The following KAZN variants were observed in gnomAD, a reference collection of about 807,000 sequenced individuals.
The protein encoded by KAZN is kazrin.
KAZN carries 40 observed loss-of-function variants against 87.4 expected under a neutral mutation model. That is an observed-to-expected ratio of 0.46 (90% CI 0.36 to 0.60). The LOEUF is 0.60. Ranked by LOEUF, KAZN falls within the 20% of genes least tolerant of loss-of-function variation. The probability of loss-of-function intolerance (pLI) is 0.00; values close to 1 mark genes in which losing one functional copy is unlikely to be tolerated. For missense variants in KAZN, 898 were observed against 1,073.9 expected, an observed-to-expected ratio of 0.84 and a Z score of 2.29; for synonymous variants, 466 against 458.3, an observed-to-expected ratio of 1.02 and a Z score of -0.22.
intron 1 of KAZN, among the ~76,000 whole-genome samples, chr1:14,819,358 C>G (rs1646668337): frequency 6.6e-6 from 1 of 152,112 alleles, no homozygotes; most frequent in South Asian, 2.1e-4. Flanking sequence ...CCAGTTGTTC[C>G]ATCAAACACG....
intron 2 of KAZN, among the ~76,000 whole-genome samples, chr1:14,465,888 G>GT (rs1196565145): frequency 6.6e-6 from 1 of 152,072 alleles, no homozygotes; most frequent in Non-Finnish European, 1.5e-5. Flanking sequence ...CACAACAGTG[G>GT]TCCCGTATGA....
At chr1:15,038,004 C>A (rs186306351) in intron 3 of KAZN, among the ~76,000 whole-genome samples, 7,521 of 150,658 alleles carry the variant, frequency 0.05, 250 homozygotes, top group Middle Eastern at 0.11. Context: ...GTAATCCCAG[C>A]ACTCTGAGAA....
At chr1:14,141,495 A>T (rs35353707) in intron 1 of KAZN, among the ~76,000 whole-genome samples, 1 of 68,084 alleles carries the variant, frequency 1.5e-5, no homozygotes, top group Non-Finnish European at 3.0e-5. Flanking sequence ...TTACAGTAAT[A>T]AAAAAAAAAT....
intron 1 of KAZN, among the ~76,000 whole-genome samples, chr1:14,748,301 A>G (rs2100473687): frequency 6.6e-6 from 1 of 152,344 alleles, no homozygotes; most frequent in African/African-American, 2.4e-5. Flanking sequence ...GGCTGTCTTT[A>G]GCTCACAGGA....
At chr1:14,013,758 T>C (rs1017171996) in intron 1 of KAZN, among the ~76,000 whole-genome samples, 4 of 152,206 alleles carry the variant, frequency 2.6e-5, no homozygotes, top group Admixed American at 2.6e-4. Context: ...TCAGCAAGCT[T>C]GTGTCCGGGG....
intron 1 of KAZN, among the ~76,000 whole-genome samples, chr1:14,065,649 C>T (rs1642979197): frequency 6.6e-6 from 1 of 151,826 alleles, no homozygotes; most frequent in Non-Finnish European, 1.5e-5. Flanking sequence ...ATTACTCCAG[C>T]AGGTTCCAAT....
At chr1:14,708,661 G>A (rs1642335113) in intron 1 of KAZN, among the ~76,000 whole-genome samples, 1 of 152,168 alleles carries the variant, frequency 6.6e-6, no homozygotes, top group Admixed American at 6.5e-5. Context: ...TACACATGGT[G>A]GCATGAACAG....
rs1641841390 is a variant in KAZN, at chr1:15,116,306, G to A, written c.*1671G>A. 6.6e-6 allele frequency: 1 copy of A among 152,198 alleles called. No individual in the cohort carries two copies. Among genetic ancestry groups the A allele is most frequent in the African/African-American group, 2.4e-5 (1 of 41,442 alleles). The allele number at this position is 152,198 out of a possible 1,614,324, so 9.4% of individuals were successfully genotyped here. Reference sequence around the variant, plus strand: ...ACCTGGCAAATTGTTTCCTCTCATGGGGGAAGCCGAGCTCTGATGAACTTG... The same window carrying A: ...ACCTGGCAAATTGTTTCCTCTCATGAGGGAAGCCGAGCTCTGATGAACTTG... On this transcript the variant is annotated 3_prime_UTR_variant, in exon 15 of 15. Transcript: ENST00000376030.
At chr1:14,880,249 C>T (rs927831063) in intron 1 of KAZN, among the ~76,000 whole-genome samples, 12 of 152,162 alleles carry the variant, frequency 7.9e-5, no homozygotes, top group African/African-American at 2.4e-4. Context: ...TTATCCCACA[C>T]GGTGCCTGCA....
intron 1 of KAZN, among the ~76,000 whole-genome samples, chr1:14,752,111 C>T (rs534222267): frequency 6.6e-6 from 1 of 152,234 alleles, no homozygotes; most frequent in Non-Finnish European, 1.5e-5. Context: ...GGTGAGGTGT[C>T]AGGCTCGTTT....
At chr1:14,026,170 A>G (rs186325081) in intron 1 of KAZN, among the ~76,000 whole-genome samples, 2 of 152,306 alleles carry the variant, frequency 1.3e-5, no homozygotes, top group Admixed American at 1.3e-4. Context: ...AGAATAATAT[A>G]TATAAATTCC....
rs553378114 is a variant in KAZN at position 14,387,578 on chromosome 1, G to T, written c.249+206986G>T. The stretch of plus-strand genomic sequence containing the variant: ...TCTGTTGGAGTACCCGGCCATGTGA[G>T]ATGTCAGTCTGCCCCTGCTTGGGGG... On this transcript the variant is annotated intron_variant, in intron 2 of 16. Transcript: ENST00000636203. Among the ~76,000 whole-genome samples, 21 of 151,688 alleles carry T rather than the reference G, an allele frequency of 1.4e-4. 1 individual carries two copies. In the East Asian group the frequency reaches 3.7e-3, roughly 27 times the overall value.
At chr1:14,106,330 G>A (rs1437373331) in intron 1 of KAZN, among the ~76,000 whole-genome samples, 13 of 152,210 alleles carry the variant, frequency 8.5e-5, no homozygotes, top group Non-Finnish European at 1.6e-4. Context: ...TCTCACAGCT[G>A]TGGTGGGAGG....
At chr1:14,098,466 C>T (rs958535779) in intron 1 of KAZN, among the ~76,000 whole-genome samples, 1 of 152,142 alleles carries the variant, frequency 6.6e-6, no homozygotes, top group South Asian at 2.1e-4. Context: ...CAACAGAAGG[C>T]AAACAGCAAG....
chr1:14,840,998 G>A (rs529690225), intron 1 of KAZN, among the ~76,000 whole-genome samples: 2 of 152,318 alleles, frequency 1.3e-5, no homozygotes, highest in East Asian at 1.9e-4. Flanking sequence ...TTCTGATAGT[G>A]TAAGCATGCA....
chr1:14,873,811 T>C (rs533519194), intron 1 of KAZN, among the ~76,000 whole-genome samples: 1 of 152,214 alleles, frequency 6.6e-6, no homozygotes, highest in African/African-American at 2.4e-5. Flanking sequence ...GAGAGAGCAG[T>C]GCAAAGTGGG....
chr1:14,032,780 G>A (rs1410563113), intron 1 of KAZN, among the ~76,000 whole-genome samples: 1 of 152,150 alleles, frequency 6.6e-6, no homozygotes, highest in African/African-American at 2.4e-5. Flanking sequence ...AAATGATAAT[G>A]AAAATCACTA....
chr1:14,146,881 T>A (rs1645365424), intron 1 of KAZN, among the ~76,000 whole-genome samples: 1 of 152,124 alleles, frequency 6.6e-6, no homozygotes, highest in Non-Finnish European at 1.5e-5. Flanking sequence ...ATATGGTTGA[T>A]CCTTGAACAA....
At chr1:14,587,059 A>G (rs1217618949) in intron 2 of KAZN, among the ~76,000 whole-genome samples, 1 of 152,236 alleles carries the variant, frequency 6.6e-6, no homozygotes, top group African/African-American at 2.4e-5. Context: ...TCCCTGAAGC[A>G]GAAGATTAAT....
Sources: gnomAD v4.1 joint callset for allele counts (sites outside exome capture counted in the v4.1 genomes callset) on GRCh38, gnomAD v4.1.1 for gene constraint, MANE v1.5 for transcripts, NCBI Gene and HGNC (gene_info 2026-07-23, HGNC 2026-07-21) for gene names.